The following UNC13C variants were observed in gnomAD, a reference collection of about 807,000 sequenced individuals.
The protein encoded by UNC13C is protein unc-13 homolog C.
In UNC13C, 174 loss-of-function variants were observed where a neutral mutation model predicts 245.4. The observed-to-expected ratio is 0.71, with a 90% confidence interval of 0.63 to 0.80. The LOEUF (loss-of-function observed/expected upper bound fraction) is 0.80. Among genes scored for constraint, UNC13C ranks in the 30% least tolerant of loss-of-function variants. UNC13C has a pLI of 0.00. For synonymous variants in UNC13C, 992 were observed against 895.1 expected (o/e 1.11, Z -1.93); for missense variants, 2,829 against 2,602.9 (o/e 1.09, Z -1.89).
At chr15:53,990,660 A>G (rs1436719250) in intron 1 of UNC13C, among the ~76,000 whole-genome samples, 1 of 152,020 alleles carries the variant, frequency 6.6e-6, no homozygotes, top group African/African-American at 2.4e-5. Flanking sequence ...TTTCCCTGCT[A>G]GTAAAGCTTG....
chr15:54,030,113 C>T (rs72739061), intron 2 of UNC13C, among the ~76,000 whole-genome samples: 7,416 of 152,186 alleles, frequency 0.049, 241 homozygotes, highest in Non-Finnish European at 0.069. Flanking sequence ...CTTATATAGG[C>T]TTTTTCTCCA....
intron 1 of UNC13C, among the ~76,000 whole-genome samples, chr15:53,986,258 G>A (rs1289233384): frequency 6.6e-6 from 1 of 152,066 alleles, no homozygotes; most frequent in African/African-American, 2.4e-5. Flanking sequence ...TTGAAATGGG[G>A]AGGGAATGCC....
At chr15:54,592,630 G>C (rs1898856320) in intron 30 of UNC13C, among the ~76,000 whole-genome samples, 1 of 152,008 alleles carries the variant, frequency 6.6e-6, no homozygotes, top group Non-Finnish European at 1.5e-5. Flanking sequence ...GCTTGCTTTT[G>C]GTGTCTTTTT....
chr15:54,541,466 C>G (rs1896241033), intron 26 of UNC13C, among the ~76,000 whole-genome samples: 1 of 151,908 alleles, frequency 6.6e-6, no homozygotes, highest in Admixed American at 6.6e-5. Context: ...CTTAGAGACT[C>G]AAAGAGGCCA....
chr15:54,160,407 A>G (rs1480644759), intron 4 of UNC13C, among the ~76,000 whole-genome samples: 1 of 150,370 alleles, frequency 6.7e-6, no homozygotes, highest in East Asian at 1.9e-4. Context: ...ATTCATTTAT[A>G]TCAAGCAACA....
chr15:53,980,952 A>G (rs1420715643), intron 1 of UNC13C, among the ~76,000 whole-genome samples: 4 of 152,204 alleles, frequency 2.6e-5, no homozygotes, highest in Non-Finnish European at 5.9e-5. Context: ...CATTGGAAAC[A>G]CAGGATAATT....
chr15:54,558,703 T>A (rs1004463170), intron 29 of UNC13C, among the ~76,000 whole-genome samples: 2 of 152,026 alleles, frequency 1.3e-5, no homozygotes, highest in Non-Finnish European at 2.9e-5. Context: ...AAAATTATGA[T>A]CATCTGCTGC....
At chr15:54,560,650 C>G (rs928634565) in intron 29 of UNC13C, among the ~76,000 whole-genome samples, 2 of 151,528 alleles carry the variant, frequency 1.3e-5, no homozygotes, top group African/African-American at 2.4e-5. Context: ...AGGGTGGAAG[C>G]CTTTACAAAT....
At chr15:54,448,373 G>T (rs1416338985) in intron 19 of UNC13C, among the ~76,000 whole-genome samples, 1 of 152,146 alleles carries the variant, frequency 6.6e-6, no homozygotes, top group East Asian at 1.9e-4. Flanking sequence ...TGACTGTGGG[G>T]TGTTAAAGTT....
intron 18 of UNC13C, among the ~76,000 whole-genome samples, chr15:54,397,821 T>C (rs1196131201): frequency 6.6e-6 from 1 of 151,390 alleles, no homozygotes; most frequent in African/African-American, 2.4e-5. Context: ...TATACAAATA[T>C]ATATCTTCAG....
intron 2 of UNC13C, among the ~76,000 whole-genome samples, chr15:54,121,445 C>T (rs758003239): frequency 1.3e-5 from 2 of 151,954 alleles, no homozygotes; most frequent in Non-Finnish European, 2.9e-5. Flanking sequence ...CCAATATTTG[C>T]TTTATTATGG....
chr15:54,206,173 C>G (rs1370755933), intron 4 of UNC13C, among the ~76,000 whole-genome samples: 1 of 151,924 alleles, frequency 6.6e-6, no homozygotes, highest in Admixed American at 6.6e-5. Flanking sequence ...AATTACCTTC[C>G]TAAAAATATT....
At chr15:54,519,449 A>G (rs1039361752) in intron 24 of UNC13C, among the ~76,000 whole-genome samples, 1 of 152,146 alleles carries the variant, frequency 6.6e-6, no homozygotes, top group Non-Finnish European at 1.5e-5. Flanking sequence ...ACATATCTCA[A>G]AGGCATTTTG....
intron 30 of UNC13C, among the ~76,000 whole-genome samples, chr15:54,621,825 A>T (rs909014104): frequency 3.3e-5 from 5 of 152,162 alleles, no homozygotes; most frequent in Non-Finnish European, 7.3e-5. Flanking sequence ...TGACTTTTTA[A>T]AATGCTATCG....
intron 13 of UNC13C, among the ~76,000 whole-genome samples, chr15:54,312,196 C>T (rs1251534697): frequency 1.3e-5 from 2 of 151,482 alleles, no homozygotes; most frequent in African/African-American, 4.8e-5. Context: ...TAGACATATA[C>T]ACATATCTAT....
At chr15:54,248,785 AT>A (rs1211737370) in intron 7 of UNC13C, among the ~76,000 whole-genome samples, 1 of 152,210 alleles carries the variant, frequency 6.6e-6, no homozygotes, top group Non-Finnish European at 1.5e-5. Context: ...GGATCTAGCC[AT>A]TCAAAATTAG....
chr15:53,886,747 A>C, the UNC13C span, among the ~76,000 whole-genome samples: 24 of 152,298 alleles, frequency 1.6e-4, 1 homozygote, highest in Admixed American at 1.1e-3. Flanking sequence ...CTGGATGATC[A>C]AGGTCAGTAT....
At chr15:54,052,510 C>T (rs1427937320) in intron 2 of UNC13C, among the ~76,000 whole-genome samples, 1 of 152,120 alleles carries the variant, frequency 6.6e-6, no homozygotes, top group Non-Finnish European at 1.5e-5. Context: ...CTCTGATGGC[C>T]AGACTTTAAA....
intron 30 of UNC13C, among the ~76,000 whole-genome samples, chr15:54,621,648 G>C (rs1219113287): frequency 6.6e-6 from 1 of 151,994 alleles, no homozygotes; most frequent in African/African-American, 2.4e-5. Flanking sequence ...GTAAGAGGTT[G>C]GTGTTATCCT....
Sources: gnomAD v4.1 joint callset for allele counts (sites outside exome capture counted in the v4.1 genomes callset) on GRCh38, gnomAD v4.1.1 for gene constraint, MANE v1.5 for transcripts, NCBI Gene and HGNC (gene_info 2026-07-23, HGNC 2026-07-21) for gene names.